CUL1: variants seen among roughly 807,000 people sequenced by gnomAD.
The protein encoded by CUL1 is cullin 1, also known as cullin-1.
CUL1 carries 24 observed loss-of-function variants against 118.0 expected under a neutral mutation model. That is an observed-to-expected ratio of 0.20 (90% confidence interval 0.15 to 0.29). The LOEUF (loss-of-function observed/expected upper bound fraction) is 0.29. Ranked by LOEUF, CUL1 falls within the 10% of genes least tolerant of loss-of-function variation. The probability of loss-of-function intolerance (pLI) is 1.00; values close to 1 mark genes in which losing one functional copy is unlikely to be tolerated. For synonymous variants in CUL1, 332 were observed against 340.4 expected, an observed-to-expected ratio of 0.98 and a Z score of 0.27; for missense variants, 361 against 933.8, an observed-to-expected ratio of 0.39 and a Z score of 7.99.
At chr7:148,731,271 T>G (rs1028648058) in intron 2 of CUL1, among the ~76,000 whole-genome samples, 1 of 152,206 alleles carries the variant, frequency 6.6e-6, no homozygotes, top group Non-Finnish European at 1.5e-5. Flanking sequence ...TGCCACTGTT[T>G]CTAGGACTTT....
intron 9 of CUL1, among the ~76,000 whole-genome samples, chr7:148,774,844 A>G (rs544351353): frequency 2.6e-5 from 4 of 152,320 alleles, no homozygotes; most frequent in African/African-American, 9.6e-5. Context: ...CAGTTCTGAG[A>G]GAAATGCTGT....
At chr7:148,766,360 G>A (rs1800006021) in intron 7 of CUL1, among the ~76,000 whole-genome samples, 1 of 151,992 alleles carries the variant, frequency 6.6e-6, no homozygotes, top group African/African-American at 2.4e-5. Flanking sequence ...TCCTGGCCTC[G>A]AGCAATCCTC....
At chr7:148,780,215 A>G (rs1303406208) in intron 9 of CUL1, among the ~76,000 whole-genome samples, 1 of 152,206 alleles carries the variant, frequency 6.6e-6, no homozygotes, top group Non-Finnish European at 1.5e-5. Flanking sequence ...TGGTTCAGAT[A>G]GTGATAGTGG....
chr7:148,771,762 A>AT (rs1162403156), intron 9 of CUL1, among the ~76,000 whole-genome samples: 2 of 152,332 alleles, frequency 1.3e-5, no homozygotes, highest in Non-Finnish European at 2.9e-5. Flanking sequence ...GGCTTGTTTA[A>AT]TAGGCAAGTA....
intron 9 of CUL1, among the ~76,000 whole-genome samples, chr7:148,774,598 C>G (rs960028828): frequency 7.2e-5 from 11 of 152,260 alleles, no homozygotes; most frequent in African/African-American, 2.6e-4. Flanking sequence ...ATAAATCAGG[C>G]TATAAGAGAA....
chr7:148,709,498 G>A (rs1412691590), intron 1 of CUL1, among the ~76,000 whole-genome samples: 1 of 152,172 alleles, frequency 6.6e-6, no homozygotes, highest in Non-Finnish European at 1.5e-5. Context: ...TGTGATGTTA[G>A]CATTAGTTCT....
intron 17 of CUL1, among the ~76,000 whole-genome samples, chr7:148,797,004 A>T (rs1296634654): frequency 6.6e-6 from 1 of 152,190 alleles, no homozygotes; most frequent in African/African-American, 2.4e-5. Flanking sequence ...TGACTCTGTG[A>T]GTGCCCTCAG....
chr7:148,749,415 C>CAAAAAAAAA (rs61460309), intron 2 of CUL1, among the ~76,000 whole-genome samples: 15 of 56,410 alleles, frequency 2.7e-4, no homozygotes, highest in African/African-American at 4.8e-4. Context: ...GACTCCATCT[C>CAAAAAAAAA]AAAAAAAAAA....
At chr7:148,719,209 G>A (rs1459155767) in intron 1 of CUL1, among the ~76,000 whole-genome samples, 1 of 152,126 alleles carries the variant, frequency 6.6e-6, no homozygotes, top group Non-Finnish European at 1.5e-5. Context: ...TACTCGGGAG[G>A]CTGAGGCAGG....
chr7:148,784,499 CT>C (rs1290759547), intron 11 of CUL1, among the ~76,000 whole-genome samples: 5 of 152,128 alleles, frequency 3.3e-5, no homozygotes, highest in African/African-American at 4.8e-5. Flanking sequence ...TTGATGTTTT[CT>C]AATCAATTTA....
intron 2 of CUL1, among the ~76,000 whole-genome samples, chr7:148,740,681 T>G (rs1350485281): frequency 1.3e-5 from 2 of 152,150 alleles, no homozygotes; most frequent in Non-Finnish European, 2.9e-5. Context: ...ATTTGGATGG[T>G]ATTTGGAGGT....
chr7:148,708,496 G>A (rs186086498), intron 1 of CUL1, among the ~76,000 whole-genome samples: 129 of 152,354 alleles, frequency 8.5e-4, no homozygotes, highest in African/African-American at 2.9e-3. Flanking sequence ...TGGCGATGCA[G>A]TGCGCTGCTG....
intron 7 of CUL1, among the ~76,000 whole-genome samples, chr7:148,761,411 T>C (rs1470643387): frequency 2.0e-5 from 3 of 152,144 alleles, no homozygotes; most frequent in East Asian, 1.9e-4. Context: ...TTCAGGAGGC[T>C]GAAGCAGGAG....
Position 148,725,219 on chromosome 7 carries a change from G to GCGCGCACACA in CUL1, c.-161-4742_-161-4741insGCGCACACAC. 2.2e-3 allele frequency among the ~76,000 whole-genome samples: 314 copies of GCGCGCACACA among 140,140 alleles called. 3 individuals carry two copies. The highest frequency in any genetic ancestry group is 5.3e-3 in the South Asian group (22 of 4,142). The allele number at this position is 140,140 out of a possible 152,430, so 91.9% of individuals were successfully genotyped here. Reference sequence around the variant, plus strand: ...CGTGTACACACACACACACGCGCGCGCTCACACACACACACACACACACAC... The same window carrying GCGCGCACACA: ...CGTGTACACACACACACACGCGCGCGCGCGCACACACTCACACACACACACACACACACAC... On this transcript the variant is annotated intron_variant, in intron 1 of 21. Coordinates refer to ENST00000325222, the MANE Select transcript of CUL1 (RefSeq NM_003592.3).
chr7:148,730,170 C>T lies in CUL1; in HGVS notation c.48C>T (p.Gly16=). ...SQNPHGLKQI[G]LDQIWDDLRA... Reference sequence around the variant, plus strand: ...ACCCCCACGGCCTGAAGCAGATTGGCCTGGACCAGATCTGGGACGACCTCA... The same window carrying T: ...ACCCCCACGGCCTGAAGCAGATTGGTCTGGACCAGATCTGGGACGACCTCA... Residue 16 remains glycine, a synonymous_variant, in exon 2 of 22, where the codon GGC becomes GGT. Coordinates refer to ENST00000325222, the MANE Select transcript of CUL1 (RefSeq NM_003592.3). 6.2e-7 allele frequency: 1 copy of T among 1,614,128 alleles called. No individual in the cohort carries two copies. The highest frequency in any genetic ancestry group is 2.2e-5 in the East Asian group (1 of 44,872).
At chr7:148,789,641 T>C (rs1800940759) in intron 14 of CUL1, 109 bp from the exon 15 acceptor site, 1 of 805,470 alleles carries the variant, frequency 1.2e-6, no homozygotes. Context: ...TTTAATGTGC[T>C]TTTTAATAAA....
chr7:148,741,006 C>T (rs184265195), intron 2 of CUL1, among the ~76,000 whole-genome samples: 1 of 152,358 alleles, frequency 6.6e-6, no homozygotes, highest in Non-Finnish European at 1.5e-5. Context: ...CCGACTAATA[C>T]ATGTGGTCTT....
intron 2 of CUL1, among the ~76,000 whole-genome samples, chr7:148,730,622 T>C (rs964284352): frequency 5.3e-5 from 8 of 152,232 alleles, no homozygotes; most frequent in Non-Finnish European, 2.9e-5. Context: ...GCAGATCATT[T>C]GTTTTACGTC....
chr7:148,748,374 A>T (rs954810351), intron 2 of CUL1, among the ~76,000 whole-genome samples: 1 of 152,232 alleles, frequency 6.6e-6, no homozygotes, highest in Admixed American at 6.5e-5. Context: ...GAAAATTCCA[A>T]CCGAAAGGTA....
Sources: allele counts gnomAD v4.1 joint callset (sites outside exome capture counted in the v4.1 genomes callset), GRCh38; gene constraint gnomAD v4.1.1; transcripts MANE v1.5; gene names NCBI Gene and HGNC (gene_info 2026-07-23, HGNC 2026-07-21).